Variants in PTRH1 observed in about 807,000 individuals in gnomAD.
The protein encoded by PTRH1 is peptidyl-tRNA hydrolase 1 homolog.
Under a neutral mutation model 15.7 loss-of-function variants are expected in PTRH1, and 13 were observed. That is an observed-to-expected ratio of 0.83 (90% CI 0.54 to 1.31). The LOEUF (loss-of-function observed/expected upper bound fraction) is 1.31, where lower values mean the gene tolerates loss of function less well. Ranked by LOEUF, PTRH1 falls within the 40% of genes most tolerant of loss-of-function variation. The probability of loss-of-function intolerance (pLI) is 0.00; values close to 1 mark genes in which losing one functional copy is unlikely to be tolerated. For missense variants in PTRH1, 319 were observed against 296.2 expected (o/e 1.08, Z -0.56); for synonymous variants, 139 against 136.7 (o/e 1.02, Z -0.12).
intron 1 of PTRH1, among the ~76,000 whole-genome samples, chr9:127,697,492 T>C (rs1164538519): frequency 6.6e-6 from 1 of 151,976 alleles, no homozygotes; most frequent in Non-Finnish European, 1.5e-5. Flanking sequence ...AAACCCCATC[T>C]CTACAAAAAA....
chr9:127,710,512 C>A, downstream of PTRH1: 2 of 1,473,664 alleles, frequency 1.4e-6, no homozygotes, highest in Non-Finnish European at 9.2e-7. Flanking sequence ...CAGGAAGGGA[C>A]AGGGACCTAA....
At chr9:127,710,144 G>A (rs1842729440), downstream of PTRH1, among the ~76,000 whole-genome samples, 1 of 152,020 alleles carries the variant, frequency 6.6e-6, no homozygotes, top group South Asian at 2.1e-4. Context: ...GTGTGGTGGT[G>A]CACATATGTA....
At chr9:127,710,445 C>CCAGGCAGGGTAGGGT (rs1167151056), downstream of PTRH1, among the ~76,000 whole-genome samples, 1 of 152,036 alleles carries the variant, frequency 6.6e-6, no homozygotes, top group Admixed American at 6.6e-5. Flanking sequence ...GGTGACAGGG[C>CCAGGCAGGGTAGGGT]CAGGCAGGGT....
In PTRH1 at chr9:127,715,082, C is replaced by G. The variant is rs1341336593; in HGVS notation, c.209G>C (p.Arg70Pro). 5.2e-6 allele frequency: 8 copies of G among 1,531,992 alleles called. No individual in the cohort carries two copies. The highest frequency in any genetic ancestry group is 4.8e-5 in the South Asian group (4 of 83,694). 94.9% of individuals were successfully genotyped at this position (1,531,992 alleles called of 1,614,324 possible). The change falls in exon 2 of 5, where the codon CGG becomes CCG. Residue 70 changes from arginine to proline, a missense_variant. Physicochemically the swap from Arg to Pro is moderately radical, Grantham distance 103. Coordinates refer to ENST00000543175, the MANE Select transcript of PTRH1 (RefSeq NM_001002913.3). This position sits in a 1 kb window ranked among gnomAD's most constrained non-coding sequence, Gnocchi z 5.8. Reference sequence around the variant, plus strand: ...CAGGGCGAGGTCGGCGGCACAGTGCCGGTCGCGCGTCCAACTCTCCGCCAC... The same window carrying G: ...CAGGGCGAGGTCGGCGGCACAGTGCGGGTCGCGCGTCCAACTCTCCGCCAC... ...LGVAESWTRDRHCAADLALAP... is the reference protein window; with the variant it reads ...LGVAESWTRDPHCAADLALAP...
chr9:127,712,240 AG>A, downstream of PTRH1: 1 of 1,614,084 alleles, frequency 6.2e-7, no homozygotes, highest in East Asian at 2.2e-5. Flanking sequence ...GAGCAGCAGC[AG>A]GTGGATTTGC....
At chr9:127,707,294 G>A in intron 1 of PTRH1, 1 of 1,301,250 alleles carries the variant, frequency 7.7e-7, no homozygotes, top group South Asian at 1.4e-5. Flanking sequence ...CCTGTGTTCT[G>A]ACCTCCCCTG....
At chr9:127,701,429 G>GGAATGAAT (rs34198029) in intron 1 of PTRH1, among the ~76,000 whole-genome samples, 181 of 152,074 alleles carry the variant, frequency 1.2e-3, no homozygotes, top group Non-Finnish European at 1.9e-3. Context: ...ATAAAGAAAG[G>GGAATGAAT]GAATGAATGA....
chr9:127,714,300 A>T lies in PTRH1; in HGVS notation c.463-18T>A, dbSNP rs1842852314. The T allele has an allele frequency of 1.9e-6, 3 of 1,613,834 alleles. No individual in the cohort carries two copies. The African/African-American group carries it at 4.0e-5, about 22-fold the overall frequency. On this transcript the variant is annotated intron_variant, in intron 4 of 4. Transcript: ENST00000543175. ...GGCATTGCCTGTGGGAGAGCCAGAGAGGCCCAGGAAGCTTTGGCGAGGTGC... is the reference window on the plus strand; with the variant it reads ...GGCATTGCCTGTGGGAGAGCCAGAGTGGCCCAGGAAGCTTTGGCGAGGTGC...
At chr9:127,695,163 G>A in intron 1 of PTRH1, 1 of 680,234 alleles carries the variant, frequency 1.5e-6, no homozygotes, top group Non-Finnish European at 2.7e-6. Flanking sequence ...AGAATAAATA[G>A]TCTCATAAAT....
intron 1 of PTRH1, among the ~76,000 whole-genome samples, chr9:127,708,690 G>A (rs1265570655): frequency 3.9e-5 from 6 of 152,276 alleles, no homozygotes; most frequent in African/African-American, 1.2e-4. Flanking sequence ...CCAAGCCCTG[G>A]GAATACAGAG....
In PTRH1 at chr9:127,705,867, T is replaced by C. The variant is rs137892345; in HGVS notation, c.205+9568A>G. The stretch of plus-strand genomic sequence containing the variant: ...GCCTGTGCAGAAGCATGGGGGTCTC[T>C]TCCCTCTGCCAGTCACATTTGTGCC... On this transcript the variant is annotated intron_variant, in intron 1 of 2. Coordinates refer to the PTRH1 transcript ENST00000335223. This position sits in a 1 kb window ranked among gnomAD's most constrained non-coding sequence, Gnocchi z 4.7. 1.3e-3 allele frequency among the ~76,000 whole-genome samples: 196 copies of C among 152,334 alleles called. 1 individual carries two copies. Among genetic ancestry groups the C allele is most frequent in the Non-Finnish European group, 2.2e-3 (147 of 68,022 alleles).
chr9:127,701,971 C>T (rs956442620), intron 1 of PTRH1, among the ~76,000 whole-genome samples: 6 of 151,902 alleles, frequency 3.9e-5, no homozygotes, highest in East Asian at 1.9e-4. Flanking sequence ...CCTGTAATCT[C>T]GACACCTTGA....
chr9:127,704,673 G>A lies in PTRH1; in HGVS notation c.206-9532C>T, dbSNP rs574013120. ...CTTAACCCTCTTCCCCATTGTTCCC[G>A]TTCTGTAAATGATGAGGAAAGACCA... On this transcript the variant is annotated intron_variant, in intron 1 of 2. Transcript: ENST00000335223. 4.6e-5 allele frequency among the ~76,000 whole-genome samples: 7 copies of A among 152,138 alleles called. No individual in the cohort carries two copies. In the East Asian group the frequency reaches 9.7e-4, roughly 21 times the overall value.
intron 1 of PTRH1, among the ~76,000 whole-genome samples, chr9:127,707,683 G>A (rs2131583246): frequency 6.6e-6 from 1 of 152,328 alleles, no homozygotes; most frequent in East Asian, 1.9e-4. Context: ...CTCCATGGCT[G>A]TGACATTCTA....
intron 2 of PTRH1, 84 bp from the exon 3 acceptor site, chr9:127,714,786 A>G (rs1842889042): frequency 8.3e-7 from 1 of 1,206,302 alleles, no homozygotes; most frequent in African/African-American, 1.5e-5. Flanking sequence ...AGGGACCACA[A>G]CTAATCCCAC....
At chr9:127,709,729 A>C (rs768839920), downstream of PTRH1, 10 of 1,598,460 alleles carry the variant, frequency 6.3e-6, no homozygotes, top group Non-Finnish European at 6.0e-6. This position sits in a 1 kb window ranked among gnomAD's most constrained non-coding sequence, Gnocchi z 4.7. Flanking sequence ...CTGCAGGCAC[A>C]CATCCCAGCT....
chr9:127,713,176 G>A, downstream of PTRH1: 1 of 1,575,684 alleles, frequency 6.3e-7, no homozygotes, highest in South Asian at 1.2e-5. Flanking sequence ...TCACCCGTGT[G>A]GGGACCTTCC....
rs751894556 is a variant in PTRH1, at chr9:127,694,946, G to GT, written c.400_401insA (p.Pro134HisfsTer11). The GT allele has an allele frequency of 1.4e-6, 1 of 701,628 alleles. No individual in the cohort carries two copies. The allele number at this position is 701,628 out of a possible 1,614,324, so 43.5% of individuals were successfully genotyped here. A position where few individuals can be genotyped will look rare whatever the true frequency, so the allele number is the denominator to read the frequency against. On this transcript the variant is annotated frameshift_variant, in exon 2 of 3. Transcript: ENST00000335223. LOFTEE classifies it low-confidence loss of function (END_TRUNC). The stretch of plus-strand genomic sequence containing the variant: ...GCATACCTGGGTTAAATCCACCCTT[G>GT]GCCTCTTTCCACATGATCCTGACAG...
At chr9:127,712,700 C>G, downstream of PTRH1, 1 of 1,614,130 alleles carries the variant, frequency 6.2e-7, no homozygotes, top group Non-Finnish European at 8.5e-7. Flanking sequence ...ACCCCACCCT[C>G]ACCAACAGAT....
Sources: allele counts gnomAD v4.1 joint callset (sites outside exome capture counted in the v4.1 genomes callset), GRCh38; gene constraint gnomAD v4.1.1; non-coding constraint Gnocchi (gnomAD v3.1); transcripts MANE v1.5; gene names NCBI Gene and HGNC (gene_info 2026-07-23, HGNC 2026-07-21).